Variants in IMMP2L observed in about 807,000 individuals in gnomAD.
IMMP2L encodes the protein mitochondrial inner membrane protease subunit 2.
IMMP2L carries 18 observed loss-of-function variants against 19.3 expected under a neutral mutation model. That is an observed-to-expected ratio of 0.93 (90% confidence interval 0.64 to 1.38). IMMP2L has a LOEUF of 1.38. IMMP2L is among the 40% of genes most tolerant of loss of function. The pLI is 0.00. For missense variants in IMMP2L, 233 were observed against 218.2 expected (o/e 1.07, Z -0.43); for synonymous variants, 76 against 73.0 (o/e 1.04, Z -0.21).
intron 5 of IMMP2L, among the ~76,000 whole-genome samples, chr7:110,847,926 G>T (rs1349538624): frequency 6.6e-6 from 1 of 152,086 alleles, no homozygotes; most frequent in East Asian, 1.9e-4. Context: ...ATCAATCATA[G>T]ACCTAAATGT....
At chr7:110,865,448 C>T (rs1453419699) in intron 5 of IMMP2L, among the ~76,000 whole-genome samples, 1 of 152,018 alleles carries the variant, frequency 6.6e-6, no homozygotes, top group African/African-American at 2.4e-5. Flanking sequence ...ACTCTGAGTT[C>T]TATATCTTAA....
intron 3 of IMMP2L, among the ~76,000 whole-genome samples, chr7:111,404,761 A>T (rs983948578): frequency 6.6e-6 from 1 of 152,086 alleles, no homozygotes; most frequent in African/African-American, 2.4e-5. Flanking sequence ...AATTCCCTAA[A>T]GGAATGATGT....
intron 5 of IMMP2L, among the ~76,000 whole-genome samples, chr7:110,669,108 T>TAGAGAGAGAG (rs1439111205): frequency 1.4e-5 from 2 of 142,016 alleles, no homozygotes; most frequent in African/African-American, 5.3e-5. Flanking sequence ...TATATATATA[T>TAGAGAGAGAG]AGAGAGAGAG....
chr7:111,156,444 C>A (rs1327117605), intron 3 of IMMP2L, among the ~76,000 whole-genome samples: 1 of 152,034 alleles, frequency 6.6e-6, no homozygotes, highest in Non-Finnish European at 1.5e-5. Context: ...AGTCCTCCAA[C>A]TTTATTCTTC....
At chr7:111,543,589 G>T (rs773709629) in intron 1 of IMMP2L, among the ~76,000 whole-genome samples, 3 of 152,122 alleles carry the variant, frequency 2.0e-5, no homozygotes, top group Non-Finnish European at 4.4e-5. Flanking sequence ...AAATTAGCTA[G>T]AAGATCATGT....
chr7:110,872,291 C>T (rs1808613085), intron 5 of IMMP2L, among the ~76,000 whole-genome samples: 1 of 152,178 alleles, frequency 6.6e-6, no homozygotes, highest in South Asian at 2.1e-4. Flanking sequence ...TCGAAAGTTA[C>T]TTTTCCACTT....
intron 3 of IMMP2L, among the ~76,000 whole-genome samples, chr7:111,373,102 A>G (rs1207169681): frequency 2.0e-5 from 3 of 151,978 alleles, no homozygotes; most frequent in Admixed American, 6.6e-5. Flanking sequence ...AAAACACTTT[A>G]AAGTAGCATT....
intron 5 of IMMP2L, among the ~76,000 whole-genome samples, chr7:110,742,896 C>T (rs1284800741): frequency 6.6e-6 from 1 of 152,128 alleles, no homozygotes; most frequent in Non-Finnish European, 1.5e-5. Flanking sequence ...CTTTCTCTCC[C>T]CCTCTTTCAC....
At chr7:110,703,755 T>C (rs184978042) in intron 5 of IMMP2L, among the ~76,000 whole-genome samples, 1 of 152,176 alleles carries the variant, frequency 6.6e-6, no homozygotes. Context: ...ATATAATGAC[T>C]AGGTTTCAAA....
rs149021362 is a variant in IMMP2L at position 110,668,513 on chromosome 7, A to C, written c.409-4792T>G. Among the ~76,000 whole-genome samples, 548 of 152,314 alleles carry C rather than the reference A, an allele frequency of 3.6e-3. 1 individual carries two copies. The highest frequency in any genetic ancestry group is 0.012 in the African/African-American group (515 of 41,570). ...ATAAGGGTGATTTGCCAGTCTTCTAACTTGGCTGAACTCTTGCCAATATAT... is the reference window on the plus strand; with the variant it reads ...ATAAGGGTGATTTGCCAGTCTTCTACCTTGGCTGAACTCTTGCCAATATAT... On this transcript the variant is annotated intron_variant, in intron 5 of 5. Coordinates refer to ENST00000405709, the MANE Select transcript of IMMP2L (RefSeq NM_032549.4).
chr7:111,492,495 T>C (rs1165475467), intron 2 of IMMP2L: 2 of 423,402 alleles, frequency 4.7e-6, no homozygotes, highest in South Asian at 2.0e-4. Context: ...CCTTATCTGA[T>C]GGGGACTCCT....
chr7:111,146,764 A>G (rs1803522960), intron 3 of IMMP2L, among the ~76,000 whole-genome samples: 1 of 152,122 alleles, frequency 6.6e-6, no homozygotes, highest in Admixed American at 6.6e-5. Context: ...AACGTTTTGA[A>G]AAAAACAAAT....
chr7:111,319,686 A>G (rs540428627), intron 3 of IMMP2L, among the ~76,000 whole-genome samples: 3 of 152,232 alleles, frequency 2.0e-5, no homozygotes, highest in African/African-American at 7.2e-5. Context: ...GATAAGTTCT[A>G]TTTTAGAAAA....
At chr7:110,856,920 T>G (rs1230651711) in intron 5 of IMMP2L, among the ~76,000 whole-genome samples, 1 of 152,034 alleles carries the variant, frequency 6.6e-6, no homozygotes, top group Non-Finnish European at 1.5e-5. Context: ...TCATTAACCT[T>G]GATGAAACAA....
At chr7:110,866,629 A>G (rs1808008525) in intron 5 of IMMP2L, among the ~76,000 whole-genome samples, 1 of 152,104 alleles carries the variant, frequency 6.6e-6, no homozygotes, top group Non-Finnish European at 1.5e-5. Context: ...GTTAATCTTA[A>G]AAAGTATTCC....
At chr7:111,302,176 T>A (rs1348317653) in intron 3 of IMMP2L, among the ~76,000 whole-genome samples, 5 of 152,172 alleles carry the variant, frequency 3.3e-5, no homozygotes, top group Non-Finnish European at 7.4e-5. Context: ...TTCTCTGTCA[T>A]CAGTTCTCAA....
intron 3 of IMMP2L, among the ~76,000 whole-genome samples, chr7:111,388,669 C>A (rs1460193122): frequency 6.6e-6 from 1 of 151,850 alleles, no homozygotes; most frequent in East Asian, 1.9e-4. Context: ...ATGGCAGTGG[C>A]AAGAGAAAAA....
chr7:110,829,132 T>C (rs1219754848), intron 5 of IMMP2L, among the ~76,000 whole-genome samples: 5 of 152,144 alleles, frequency 3.3e-5, no homozygotes, highest in African/African-American at 9.7e-5. Context: ...TTTTTACAAA[T>C]AGGAGAGCAG....
At chr7:110,807,659 T>C (rs1442825756) in intron 5 of IMMP2L, among the ~76,000 whole-genome samples, 1 of 151,970 alleles carries the variant, frequency 6.6e-6, no homozygotes, top group African/African-American at 2.4e-5. Flanking sequence ...TACAAACAGG[T>C]TGGAAGAAAA....
Sources: gnomAD v4.1 joint callset for allele counts (sites outside exome capture counted in the v4.1 genomes callset) on GRCh38, gnomAD v4.1.1 for gene constraint, MANE v1.5 for transcripts, NCBI Gene and HGNC (gene_info 2026-07-23, HGNC 2026-07-21) for gene names.